The following ABHD17C variants were observed in gnomAD, a reference collection of about 807,000 sequenced individuals.
ABHD17C encodes the protein alpha/beta hydrolase domain-containing protein 17C.
ABHD17C carries 11 observed loss-of-function variants against 27.9 expected under a neutral mutation model. The observed-to-expected ratio is 0.39, with a 90% CI of 0.25 to 0.65. The LOEUF is 0.65. Among genes scored for constraint, ABHD17C ranks in the 30% least tolerant of loss-of-function variants. The pLI is 0.45. For missense variants in ABHD17C, 280 were observed against 470.2 expected (o/e 0.60, Z 3.74); for synonymous variants, 233 against 209.1 (o/e 1.11, Z -0.98).
chr15:80,716,365 G>C (rs760531890), intron 1 of ABHD17C, among the ~76,000 whole-genome samples: 3 of 151,960 alleles, frequency 2.0e-5, no homozygotes, highest in Non-Finnish European at 2.9e-5. Context: ...CAAGACCACA[G>C]GGACAGCCGC....
At chr15:80,705,811 G>A (rs960977487) in intron 1 of ABHD17C, among the ~76,000 whole-genome samples, 1 of 152,192 alleles carries the variant, frequency 6.6e-6, no homozygotes, top group African/African-American at 2.4e-5. Context: ...GCTTTGGAGA[G>A]TGGTATGCAT....
chr15:80,744,423 AG>A (rs1895255418), intron 1 of ABHD17C, among the ~76,000 whole-genome samples: 1 of 152,214 alleles, frequency 6.6e-6, no homozygotes, highest in Non-Finnish European at 1.5e-5. Flanking sequence ...ACCGGGTGTT[AG>A]AACAGAGGCC....
Position 80,754,446 on chromosome 15 carries a change from C to T in ABHD17C, c.*76C>T. The T allele has an allele frequency of 7.8e-7, 1 of 1,280,666 alleles. No individual in the cohort carries two copies. The allele number at this position is 1,280,666 out of a possible 1,614,324, so 79.3% of individuals were successfully genotyped here. A position where few individuals can be genotyped will look rare whatever the true frequency, so the allele number is the denominator to read the frequency against. On this transcript the variant is annotated 3_prime_UTR_variant, in exon 3 of 3. Coordinates refer to ENST00000258884, the MANE Select transcript of ABHD17C (RefSeq NM_021214.2). ...TTTTGCACATGCTTTAACTGGGTAG[C>T]TGTAAAGGCTTGATAACCATGAAGA...
intron 1 of ABHD17C, among the ~76,000 whole-genome samples, chr15:80,713,943 T>C (rs541508251): frequency 1.1e-3 from 116 of 100,976 alleles, no homozygotes; most frequent in African/African-American, 3.8e-3. Context: ...CACACACATA[T>C]ATTTATTTAT....
At chr15:80,728,309 C>T (rs745981455) in intron 1 of ABHD17C, among the ~76,000 whole-genome samples, 32 of 152,202 alleles carry the variant, frequency 2.1e-4, no homozygotes, top group Non-Finnish European at 3.4e-4. Context: ...TGGTCTCTGG[C>T]GTCTTCCTGA....
chr15:80,749,099 G>C (rs780058145), intron 1 of ABHD17C, among the ~76,000 whole-genome samples: 2 of 152,050 alleles, frequency 1.3e-5, no homozygotes, highest in African/African-American at 2.4e-5. Flanking sequence ...TTTGCTTCGA[G>C]TTTTTAATAT....
chr15:80,695,827 A>T lies in ABHD17C; in HGVS notation c.398A>T (p.Tyr133Phe). ...MFVRCAPSSR[Y>F]TLLFSHGNAV... is the part of the protein sequence containing the mutation. ...GTGCGCTGCGCGCCCTCCAGCCGCT[A>T]CACGCTGCTCTTCTCGCACGGCAAC... The change falls in exon 1 of 3, where the codon TAC becomes TTC. Residue 133 changes from tyrosine to phenylalanine, a missense_variant. Transcript: ENST00000258884. The surrounding 1 kb of genome is among the most constrained non-coding windows in gnomAD (Gnocchi z 4.3). The T allele has an allele frequency of 6.3e-7, 1 of 1,583,146 alleles. No homozygotes were observed. Among genetic ancestry groups the T allele is most frequent in the Non-Finnish European group, 8.5e-7 (1 of 1,173,174 alleles).
chr15:80,718,010 G>A (rs1025169625), intron 1 of ABHD17C, among the ~76,000 whole-genome samples: 1 of 152,144 alleles, frequency 6.6e-6, no homozygotes, highest in South Asian at 2.1e-4. Context: ...TTCCAGTTCA[G>A]ACAGACTGCC....
chr15:80,721,251 A>G (rs1489982191), intron 1 of ABHD17C, among the ~76,000 whole-genome samples: 1 of 149,224 alleles, frequency 6.7e-6, no homozygotes, highest in African/African-American at 2.5e-5. Flanking sequence ...CCTTTTTCAT[A>G]ACATCCTGCT....
chr15:80,717,267 A>AC (rs1894816814), intron 1 of ABHD17C, among the ~76,000 whole-genome samples: 2 of 56,434 alleles, frequency 3.5e-5, no homozygotes, highest in South Asian at 1.6e-3. Flanking sequence ...CAAAAAAAAA[A>AC]AAAAGAGTTT....
intron 1 of ABHD17C, among the ~76,000 whole-genome samples, chr15:80,708,841 C>T (rs958427019): frequency 1.2e-4 from 19 of 152,150 alleles, no homozygotes; most frequent in African/African-American, 4.3e-4. Context: ...TGCCAGACCC[C>T]GTCCTCAAAG....
At chr15:80,705,333 T>TTTTTTGTGTGTGTGTGTG (rs10523879) in intron 1 of ABHD17C, among the ~76,000 whole-genome samples, 16 of 106,822 alleles carry the variant, frequency 1.5e-4, no homozygotes, top group African/African-American at 4.9e-4. Flanking sequence ...TTCCTATGAT[T>TTTTTTGTGTGTGTGTGTG]TGTGTGTGTG....
intron 1 of ABHD17C, among the ~76,000 whole-genome samples, chr15:80,708,985 C>G (rs1320348533): frequency 6.6e-6 from 1 of 152,078 alleles, no homozygotes; most frequent in East Asian, 1.9e-4. Context: ...TTGGAGACCC[C>G]ACATAGTGAC....
At chr15:80,729,185 T>G (rs1188830728) in intron 1 of ABHD17C, among the ~76,000 whole-genome samples, 1 of 152,188 alleles carries the variant, frequency 6.6e-6, no homozygotes, top group Non-Finnish European at 1.5e-5. Flanking sequence ...TTTCTCTATT[T>G]CTGGTTCCTG....
At chr15:80,726,031 G>A (rs1226079449) in intron 1 of ABHD17C, among the ~76,000 whole-genome samples, 1 of 152,190 alleles carries the variant, frequency 6.6e-6, no homozygotes, top group African/African-American at 2.4e-5. Context: ...CAGCAAACCA[G>A]TCATTAGCAT....
chr15:80,754,178 T>A lies in ABHD17C; in HGVS notation c.798T>A (p.Ser266=), dbSNP rs377172495. 6.2e-7 allele frequency: 1 copy of A among 1,613,832 alleles called. No individual in the cohort carries two copies. The highest frequency in any genetic ancestry group is 1.3e-5 in the African/African-American group (1 of 74,914). The change falls in exon 3 of 3, where the codon TCT becomes TCA. Residue 266 remains serine (S), a synonymous_variant. Coordinates refer to ENST00000258884, the MANE Select transcript of ABHD17C (RefSeq NM_021214.2). ...TTGACAAGATATCTAAAGTCACCTC[T>A]CCTGTGTTGGTCATTCATGGTACAG... ...PSIDKISKVT[S]PVLVIHGTED...
chr15:80,736,248 T>C (rs1251343225), intron 1 of ABHD17C, among the ~76,000 whole-genome samples: 2 of 152,248 alleles, frequency 1.3e-5, no homozygotes, highest in African/African-American at 4.8e-5. Context: ...GCTAAAAAAT[T>C]TTCCAAATCT....
intron 1 of ABHD17C, among the ~76,000 whole-genome samples, chr15:80,707,359 G>A (rs929524978): frequency 6.6e-6 from 1 of 152,192 alleles, no homozygotes; most frequent in Non-Finnish European, 1.5e-5. Flanking sequence ...AGTCTGTCTA[G>A]GTGTGTTGAC....
At position 80,696,036 on chromosome 15, in the gene ABHD17C, C is replaced by G. The variant is rs770210968; in HGVS notation, c.590+17C>G. On this transcript the variant is annotated intron_variant, in intron 1 of 2. Coordinates refer to ENST00000258884, the MANE Select transcript of ABHD17C (RefSeq NM_021214.2). Reference sequence around the variant, plus strand: ...GCGCACCCGGTGAGCCTGCCGGGGTCGCCAGGCCTGACTTCCAGCTGTGGG... The same window carrying G: ...GCGCACCCGGTGAGCCTGCCGGGGTGGCCAGGCCTGACTTCCAGCTGTGGG... 2 of 1,541,946 alleles carry G rather than the reference C, an allele frequency of 1.3e-6. No individual in the cohort carries two copies. Among genetic ancestry groups the G allele is most frequent in the East Asian group, 2.4e-5 (1 of 41,868 alleles).
Sources: gnomAD v4.1 joint callset for allele counts (sites outside exome capture counted in the v4.1 genomes callset) on GRCh38, gnomAD v4.1.1 for gene constraint, Gnocchi (gnomAD v3.1) non-coding constraint, MANE v1.5 for transcripts, NCBI Gene and HGNC (gene_info 2026-07-23, HGNC 2026-07-21) for gene names.